TGFBRAP1: variants seen among roughly 807,000 people sequenced by gnomAD.
TGFBRAP1 encodes transforming growth factor-beta receptor-associated protein 1.
In TGFBRAP1, 20 loss-of-function variants were observed where a neutral mutation model predicts 83.2. The observed-to-expected ratio is 0.24, with a 90% CI of 0.17 to 0.35. The LOEUF is 0.35. Among genes scored for constraint, TGFBRAP1 ranks in the 10% least tolerant of loss-of-function variants. The pLI is 1.00. For missense variants in TGFBRAP1, 950 were observed against 1,099.4 expected (o/e 0.86, Z 1.92); for synonymous variants, 415 against 459.8 (o/e 0.90, Z 1.25).
intron 4 of TGFBRAP1, among the ~76,000 whole-genome samples, chr2:105,289,262 G>A (rs1396027238): frequency 1.3e-5 from 2 of 152,108 alleles, no homozygotes; most frequent in Non-Finnish European, 2.9e-5. Context: ...TGCAACACTG[G>A]TGACTTAGAG....
intron 1 of TGFBRAP1, among the ~76,000 whole-genome samples, chr2:105,316,420 AGTGTGTGTGTGTGTGTGTGTGTGTGTGT>A (rs71393002): frequency 9.2e-6 from 1 of 109,100 alleles, no homozygotes; most frequent in African/African-American, 3.6e-5. Flanking sequence ...AGGTATAGGG[AGTGTGTGTGTGTGTGTGTGTGTGTGTGT>A]GTGTGTGTGT....
At chr2:105,250,111 A>C in the TGFBRAP1 span, among the ~76,000 whole-genome samples, 13 of 152,318 alleles carry the variant, frequency 8.5e-5, no homozygotes, top group Admixed American at 7.8e-4. Flanking sequence ...AGCGATTGCC[A>C]TGGTCAAAGA....
At chr2:105,260,383 T>C (rs533635813), downstream of TGFBRAP1, among the ~76,000 whole-genome samples, 1 of 152,312 alleles carries the variant, frequency 6.6e-6, no homozygotes, top group Non-Finnish European at 1.5e-5. Flanking sequence ...CACTCCACCC[T>C]GGGTGACAGA....
rs1031598589 is a variant in TGFBRAP1, at chr2:105,321,311, C to G, written c.-18+8314G>C. 2.3e-4 allele frequency among the ~76,000 whole-genome samples: 35 copies of G among 152,034 alleles called. 1 individual carries two copies. The highest frequency in any genetic ancestry group is 1.8e-3 in the Admixed American group (27 of 15,256). ...CCTCCTGAGTAGCTGTGATTACAGG[C>G]AGCCGCCATCATGCCTGGCTAATTT... On this transcript the variant is annotated intron_variant, in intron 1 of 11. Coordinates refer to ENST00000393359, the MANE Select transcript of TGFBRAP1 (RefSeq NM_004257.6).
chr2:105,267,360 C>T lies in TGFBRAP1; in HGVS notation c.*23G>A, dbSNP rs764329667. On this transcript the variant is annotated 3_prime_UTR_variant, in exon 12 of 12. Transcript: ENST00000393359. Reference sequence around the variant, plus strand: ...GGCTCAGAAAGAACTCGGAGTTCCCCTCGCACCCTTGGGCCAAGCTTTTCA... The same window carrying T: ...GGCTCAGAAAGAACTCGGAGTTCCCTTCGCACCCTTGGGCCAAGCTTTTCA... The T allele has an allele frequency of 6.2e-7, 1 of 1,613,044 alleles. No individual in the cohort carries two copies. Among genetic ancestry groups the T allele is most frequent in the African/African-American group, 1.3e-5 (1 of 74,886 alleles).
At chr2:105,322,963 A>G (rs1000838325) in intron 1 of TGFBRAP1, among the ~76,000 whole-genome samples, 2 of 152,174 alleles carry the variant, frequency 1.3e-5, no homozygotes, top group Non-Finnish European at 2.9e-5. Flanking sequence ...ACAGCTCCCA[A>G]TCAACCAGTC....
chr2:105,256,814 G>A, the TGFBRAP1 span, among the ~76,000 whole-genome samples: 2 of 152,226 alleles, frequency 1.3e-5, no homozygotes, highest in East Asian at 3.9e-4. Context: ...ATAGAAGGTC[G>A]GCACAAGATA....
At chr2:105,251,762 G>A in the TGFBRAP1 span, among the ~76,000 whole-genome samples, 2 of 151,508 alleles carry the variant, frequency 1.3e-5, no homozygotes, top group Non-Finnish European at 3.0e-5. Flanking sequence ...TGTAGAAAGA[G>A]GTAGACATGG....
At chr2:105,262,441 T>TG (rs1676811450), downstream of TGFBRAP1, among the ~76,000 whole-genome samples, 1 of 152,198 alleles carries the variant, frequency 6.6e-6, no homozygotes, top group Admixed American at 6.5e-5. Context: ...GGAAGCTTCC[T>TG]GAGGCCTTCC....
At chr2:105,286,199 G>A (rs1385415138) in intron 4 of TGFBRAP1, among the ~76,000 whole-genome samples, 1 of 152,188 alleles carries the variant, frequency 6.6e-6, no homozygotes, top group Non-Finnish European at 1.5e-5. Flanking sequence ...TCTAGTCTGG[G>A]AATGCTACAT....
At chr2:105,296,576 T>C in intron 3 of TGFBRAP1, 66 bp from the exon 4 acceptor site, 2 of 1,539,572 alleles carry the variant, frequency 1.3e-6, no homozygotes, top group Non-Finnish European at 1.8e-6. Flanking sequence ...ACACACTGCT[T>C]TCCCCAAACT....
At position 105,280,536 on chromosome 2, in the gene TGFBRAP1, T is replaced by C. The variant is rs1446924213; in HGVS notation, c.1309A>G (p.Ser437Gly). 1 of 1,614,078 alleles carries C rather than the reference T, an allele frequency of 6.2e-7. No individual in the cohort carries two copies. The highest frequency in any genetic ancestry group is 8.5e-7 in the Non-Finnish European group (1 of 1,180,046). Reference protein sequence around the residue: ...FLMSYLNEVRSTEVANGYKED... With the variant: ...FLMSYLNEVRGTEVANGYKED... ...TTGTAGCCATTTGCTACCTCTGTGC[T>C]GCGGACCTCGTTCAGGTAGCTCATG... The change falls in exon 6 of 12, where the codon AGC (serine) becomes GGC (glycine). Residue 437 changes from serine to glycine, a missense_variant. Coordinates refer to ENST00000393359, the MANE Select transcript of TGFBRAP1 (RefSeq NM_004257.6).
chr2:105,253,483 A>G, the TGFBRAP1 span, among the ~76,000 whole-genome samples: 129,713 of 152,158 alleles, frequency 0.85, 55,650 homozygotes, highest in African/African-American at 0.93. Flanking sequence ...CCAGGCTGGA[A>G]TACAGTGGCG....
intron 1 of TGFBRAP1, among the ~76,000 whole-genome samples, chr2:105,315,153 A>T (rs994404137): frequency 2.0e-5 from 3 of 152,112 alleles, no homozygotes; most frequent in African/African-American, 7.2e-5. Context: ...AGTAGAAAAT[A>T]TAAGGTATGA....
chr2:105,297,454 G>C (rs1035291460), intron 3 of TGFBRAP1, among the ~76,000 whole-genome samples: 1 of 152,154 alleles, frequency 6.6e-6, no homozygotes, highest in Non-Finnish European at 1.5e-5. Context: ...TGACCCCAGC[G>C]CATGCGCCAG....
intron 10 of TGFBRAP1, among the ~76,000 whole-genome samples, chr2:105,271,147 G>A (rs962026177): frequency 5.3e-5 from 8 of 152,194 alleles, no homozygotes; most frequent in Non-Finnish European, 1.0e-4. Flanking sequence ...GGCACAGCTC[G>A]TGGGTTCCTC....
chr2:105,297,070 C>T (rs1412182164), intron 3 of TGFBRAP1, among the ~76,000 whole-genome samples: 1 of 152,106 alleles, frequency 6.6e-6, no homozygotes, highest in Non-Finnish European at 1.5e-5. Context: ...CCATGGTCAA[C>T]ACTGCCATCC....
intron 9 of TGFBRAP1, 50 bp from the exon 10 acceptor site, chr2:105,273,064 A>C: frequency 6.3e-7 from 1 of 1,591,100 alleles, no homozygotes; most frequent in Non-Finnish European, 8.6e-7. Context: ...TTCAAGTGGG[A>C]AAGTCAAAGC....
intron 1 of TGFBRAP1, among the ~76,000 whole-genome samples, chr2:105,317,922 T>C (rs1013745052): frequency 4.6e-5 from 7 of 152,228 alleles, no homozygotes; most frequent in African/African-American, 1.7e-4. Context: ...ATTACACCTA[T>C]AATGATACTT....
Sources: gnomAD v4.1 joint callset for allele counts (sites outside exome capture counted in the v4.1 genomes callset) on GRCh38, gnomAD v4.1.1 for gene constraint, MANE v1.5 for transcripts, NCBI Gene and HGNC (gene_info 2026-07-23, HGNC 2026-07-21) for gene names.